Variants in METTL15 observed in about 807,000 individuals in gnomAD.
The protein encoded by METTL15 is 12S rRNA N(4)-cytidine methyltransferase METTL15.
In METTL15, 34 loss-of-function variants were observed where a neutral mutation model predicts 38.3. The observed-to-expected ratio is 0.89, with a 90% confidence interval of 0.68 to 1.18. The LOEUF (loss-of-function observed/expected upper bound fraction) is 1.18, where lower values mean the gene tolerates loss of function less well. METTL15 is among the 50% of genes most tolerant of loss of function. The pLI, the probability that METTL15 is intolerant of heterozygous loss-of-function variation, is 0.00. For synonymous variants in METTL15, 162 were observed against 170.9 expected, an observed-to-expected ratio of 0.95 and a Z score of 0.41; for missense variants, 438 against 498.4, an observed-to-expected ratio of 0.88 and a Z score of 1.15.
At chr11:28,288,006 G>A (rs1316176365) in intron 4 of METTL15, among the ~76,000 whole-genome samples, 4 of 152,014 alleles carry the variant, frequency 2.6e-5, no homozygotes, top group Non-Finnish European at 5.9e-5. Context: ...GGGAATATAT[G>A]TGATTAATAA....
chr11:28,360,244 TAA>T (rs1264274045), intron 4 of METTL15, among the ~76,000 whole-genome samples: 2 of 152,282 alleles, frequency 1.3e-5, no homozygotes, highest in East Asian at 3.9e-4. Flanking sequence ...TAGACAAGTG[TAA>T]GATGGGCCTA....
chr11:28,133,374 T>C (rs2133638588), intron 3 of METTL15, among the ~76,000 whole-genome samples: 1 of 152,306 alleles, frequency 6.6e-6, no homozygotes, highest in South Asian at 2.1e-4. Context: ...GTGGTCACTT[T>C]AGGTCTTGGC....
intron 3 of METTL15, among the ~76,000 whole-genome samples, chr11:28,118,468 G>A (rs1222229791): frequency 1.3e-5 from 2 of 151,792 alleles, no homozygotes; most frequent in Non-Finnish European, 2.9e-5. Context: ...ATAACTTTTT[G>A]TGAAAATGTA....
intron 6 of METTL15, among the ~76,000 whole-genome samples, chr11:28,457,926 T>A (rs1271267844): frequency 6.6e-6 from 1 of 152,202 alleles, no homozygotes; most frequent in Non-Finnish European, 1.5e-5. Context: ...ACTAAGTATG[T>A]CAATTATGCT....
intron 4 of METTL15, among the ~76,000 whole-genome samples, chr11:28,212,118 G>T (rs769690922): frequency 1.3e-5 from 2 of 151,902 alleles, no homozygotes; most frequent in African/African-American, 4.8e-5. Flanking sequence ...AGTGTAATTC[G>T]TCATCTAGAA....
chr11:28,258,058 G>C (rs1855044663), intron 4 of METTL15, among the ~76,000 whole-genome samples: 1 of 152,190 alleles, frequency 6.6e-6, no homozygotes, highest in Non-Finnish European at 1.5e-5. Flanking sequence ...GAACAGACTT[G>C]GAAGTTGTGA....
intron 3 of METTL15, among the ~76,000 whole-genome samples, chr11:28,169,389 G>A (rs1314645412): frequency 6.6e-6 from 1 of 151,948 alleles, no homozygotes; most frequent in African/African-American, 2.4e-5. Flanking sequence ...ATTATGATTT[G>A]AAGATTTTTA....
chr11:28,217,283 G>C (rs1852932358), intron 4 of METTL15, among the ~76,000 whole-genome samples: 1 of 152,050 alleles, frequency 6.6e-6, no homozygotes, highest in Non-Finnish European at 1.5e-5. Context: ...ATCTCATTGT[G>C]GTTTTGATTT....
At chr11:28,337,609 C>G (rs982954711), downstream of METTL15, among the ~76,000 whole-genome samples, 1 of 152,116 alleles carries the variant, frequency 6.6e-6, no homozygotes, top group Non-Finnish European at 1.5e-5. Context: ...CCTTAACATT[C>G]ACAACTCACT....
chr11:28,506,736 CTTTT>C (rs71449180), intron 6 of METTL15, among the ~76,000 whole-genome samples: 1 of 111,624 alleles, frequency 9.0e-6, no homozygotes, highest in Non-Finnish European at 1.8e-5. Context: ...ATCTCAGTCT[CTTTT>C]TTTTTTTTTT....
At chr11:28,248,973 T>C (rs1382636199) in intron 4 of METTL15, among the ~76,000 whole-genome samples, 1 of 152,024 alleles carries the variant, frequency 6.6e-6, no homozygotes, top group Non-Finnish European at 1.5e-5. Context: ...ATTTCTCTCT[T>C]TTACTTTCTT....
At chr11:28,448,414 C>T (rs779618133) in intron 6 of METTL15, among the ~76,000 whole-genome samples, 9 of 152,052 alleles carry the variant, frequency 5.9e-5, no homozygotes, top group Non-Finnish European at 1.2e-4. Flanking sequence ...CTAGGATATG[C>T]GAGTGGACAA....
chr11:28,426,852 T>C (rs1366888967), intron 6 of METTL15, among the ~76,000 whole-genome samples: 2 of 152,092 alleles, frequency 1.3e-5, no homozygotes, highest in East Asian at 3.9e-4. Flanking sequence ...CTTTGTCAGA[T>C]GGATAGATTG....
At chr11:28,503,826 C>T (rs560746132) in intron 6 of METTL15, among the ~76,000 whole-genome samples, 5 of 151,784 alleles carry the variant, frequency 3.3e-5, no homozygotes, top group Non-Finnish European at 7.4e-5. Flanking sequence ...CCCGGTAGGC[C>T]AGATTCTATA....
At chr11:28,191,844 G>T (rs1473164296) in intron 3 of METTL15, among the ~76,000 whole-genome samples, 1 of 151,654 alleles carries the variant, frequency 6.6e-6, no homozygotes, top group Admixed American at 6.6e-5. Flanking sequence ...AACATAAAGT[G>T]CTAGTTGTTT....
In METTL15 at chr11:28,212,223, CT is replaced by C. The variant is rs554417869; in HGVS notation, c.407+1029del. Reference sequence around the variant, plus strand: ...AAAACTATAAATAAATACACATAAGCTTTTGTTTACAAGATCATAGGATTTA... The same window carrying C: ...AAAACTATAAATAAATACACATAAGCTTTGTTTACAAGATCATAGGATTTA... On this transcript the variant is annotated intron_variant, in intron 4 of 6. Coordinates refer to ENST00000407364, the MANE Select transcript of METTL15 (RefSeq NM_001113528.2). Among the ~76,000 whole-genome samples, 502 of 152,062 alleles carry C rather than the reference CT, an allele frequency of 3.3e-3. 6 individuals carry two copies. The highest frequency in any genetic ancestry group is 0.012 in the African/African-American group (484 of 41,524).
At chr11:28,483,704 A>G (rs530831556) in intron 6 of METTL15, among the ~76,000 whole-genome samples, 2 of 152,308 alleles carry the variant, frequency 1.3e-5, no homozygotes, top group African/African-American at 4.8e-5. Flanking sequence ...TGCTAATAAA[A>G]TGTTACTTAT....
intron 4 of METTL15, among the ~76,000 whole-genome samples, chr11:28,242,606 G>C (rs1018686276): frequency 6.6e-6 from 1 of 152,056 alleles, no homozygotes; most frequent in Non-Finnish European, 1.5e-5. Context: ...TTTCATCAGT[G>C]TCTTTCCTTT....
At chr11:28,391,259 A>C in intron 5 of METTL15, among the ~76,000 whole-genome samples, 1 of 152,036 alleles carries the variant, frequency 6.6e-6, no homozygotes, top group East Asian at 1.9e-4. Flanking sequence ...AGAACTTCCC[A>C]CACTATATTG....
Sources: allele counts gnomAD v4.1 joint callset (sites outside exome capture counted in the v4.1 genomes callset), GRCh38; gene constraint gnomAD v4.1.1; transcripts MANE v1.5; gene names NCBI Gene and HGNC (gene_info 2026-07-23, HGNC 2026-07-21).